Variants in POLR3E observed in about 807,000 individuals in gnomAD.
The protein encoded by POLR3E is RNA polymerase III subunit E.
POLR3E carries 41 observed loss-of-function variants against 96.6 expected under a neutral mutation model. That is an observed-to-expected ratio of 0.42 (90% CI 0.33 to 0.55). POLR3E has a LOEUF of 0.55. Ranked by LOEUF, POLR3E falls within the 20% of genes least tolerant of loss-of-function variation. The pLI, the probability that POLR3E is intolerant of heterozygous loss-of-function variation, is 0.06. For synonymous variants in POLR3E, 396 were observed against 383.6 expected (o/e 1.03, Z -0.38); for missense variants, 849 against 952.1 (o/e 0.89, Z 1.43).
chr16:22,303,609 CCGGGT>C (rs1389722452), intron 2 of POLR3E, among the ~76,000 whole-genome samples: 1 of 147,824 alleles, frequency 6.8e-6, no homozygotes, highest in Non-Finnish European at 1.5e-5. Flanking sequence ...GCAGGAGTCT[CCGGGT>C]ACAGGCAGTG....
intron 19 of POLR3E, chr16:22,328,968 A>T (rs1029936809): frequency 4.5e-6 from 1 of 221,460 alleles, no homozygotes; most frequent in African/African-American, 2.3e-5. Flanking sequence ...TCTACTAAAA[A>T]TGCCCATAGT....
chr16:22,304,472 G>A lies in POLR3E; in HGVS notation c.37-684G>A, dbSNP rs546132893. Among the ~76,000 whole-genome samples, 7 of 152,330 alleles carry A rather than the reference G, an allele frequency of 4.6e-5. No homozygotes were observed. The South Asian group carries it at 1.4e-3, about 32-fold the overall frequency. The stretch of plus-strand genomic sequence containing the variant: ...CAGAGGCAGTGCCCTCTGCAGCCAG[G>A]GGGCCTGGAATGCTTCCTGCCCAAG... On this transcript the variant is annotated intron_variant, in intron 2 of 20. Coordinates refer to ENST00000299853, the MANE Select transcript of POLR3E (RefSeq NM_018119.4).
chr16:22,312,193 G>A (rs2048261204), intron 6 of POLR3E, among the ~76,000 whole-genome samples: 1 of 152,212 alleles, frequency 6.6e-6, no homozygotes, highest in Middle Eastern at 3.4e-3. Flanking sequence ...TTGTGAATAC[G>A]TTAAAATACA....
At position 22,313,951 on chromosome 16, in the gene POLR3E, G is replaced by C. The variant is rs1473317674; in HGVS notation, c.473-128G>C. The C allele has an allele frequency of 2.4e-6, 2 of 835,144 alleles. No individual in the cohort carries two copies. The highest frequency in any genetic ancestry group is 5.1e-5 in the East Asian group (2 of 39,104). The allele number at this position is 835,144 out of a possible 1,614,324, so 51.7% of individuals were successfully genotyped here. A position where few individuals can be genotyped will look rare whatever the true frequency, so the allele number is the denominator to read the frequency against. ...AACTGTCCCCGATTGAGAACCACTG[G>C]CTTAGGCAGCTCCCTCTGCGAGGAG... On this transcript the variant is annotated intron_variant, in intron 7 of 20. Transcript: ENST00000299853. The surrounding 1 kb of genome is among the most constrained non-coding windows in gnomAD (Gnocchi z 4.1).
intron 6 of POLR3E, among the ~76,000 whole-genome samples, chr16:22,312,873 CAAAA>C (rs1167609047): frequency 1.3e-4 from 4 of 30,406 alleles, no homozygotes; most frequent in Non-Finnish European, 2.8e-4. Context: ...CACTCCATCT[CAAAA>C]AAAAAAAAAA....
chr16:22,314,136 C>G lies in POLR3E; in HGVS notation c.522+8C>G. On this transcript the variant is annotated splice_region_variant and intron_variant, in intron 8 of 20. Coordinates refer to ENST00000299853, the MANE Select transcript of POLR3E (RefSeq NM_018119.4). ...GATGTTAAGCAGATCACGGTGAGCCCTGGCCCCTGGAGGAGGAGGGTGCTG... is the reference window on the plus strand; with the variant it reads ...GATGTTAAGCAGATCACGGTGAGCCGTGGCCCCTGGAGGAGGAGGGTGCTG... The G allele has an allele frequency of 6.2e-7, 1 of 1,613,058 alleles. No individual in the cohort carries two copies. The highest frequency in any genetic ancestry group is 8.5e-7 in the Non-Finnish European group (1 of 1,179,206).
intron 14 of POLR3E, 54 bp from the exon 15 acceptor site, chr16:22,324,300 G>T: frequency 6.8e-7 from 1 of 1,479,350 alleles, no homozygotes; most frequent in Admixed American, 1.7e-5. Context: ...TCCCGGGACA[G>T]TCCTGGGAGC....
At chr16:22,308,068 T>A in intron 3 of POLR3E, 80 bp from the exon 4 acceptor site, 1 of 1,026,106 alleles carries the variant, frequency 9.7e-7, no homozygotes, top group Non-Finnish European at 1.5e-6. Context: ...GGCTTGGAGA[T>A]AGCTGTTGAT....
At chr16:22,330,389 C>T (rs2048712156) in intron 19 of POLR3E, among the ~76,000 whole-genome samples, 1 of 152,122 alleles carries the variant, frequency 6.6e-6, no homozygotes, top group South Asian at 2.1e-4. Context: ...CAGGCCTTTA[C>T]CTCTTTTTAA....
intron 14 of POLR3E, among the ~76,000 whole-genome samples, chr16:22,324,026 G>A (rs2048524726): frequency 6.6e-6 from 1 of 152,120 alleles, no homozygotes; most frequent in Non-Finnish European, 1.5e-5. Flanking sequence ...CAGACAGCGT[G>A]TGTCTGTGGG....
chr16:22,320,267 TTTTA>T (rs1273999002), intron 13 of POLR3E, among the ~76,000 whole-genome samples: 1 of 152,112 alleles, frequency 6.6e-6, no homozygotes, highest in African/African-American at 2.4e-5. Flanking sequence ...ATTGGTGTAT[TTTTA>T]TTTTTTTTTT....
chr16:22,310,001 G>A (rs1279290735), intron 6 of POLR3E: 2 of 164,362 alleles, frequency 1.2e-5, no homozygotes, highest in Admixed American at 1.2e-4. Flanking sequence ...GTCCATTCAC[G>A]CAATGGGATG....
At chr16:22,328,324 C>T in intron 18 of POLR3E, 186 bp from the exon 19 acceptor site, 1 of 604,386 alleles carries the variant, frequency 1.7e-6, no homozygotes, top group Non-Finnish European at 3.0e-6. Context: ...CTGGCCTCCT[C>T]CCCATGGTGA....
At position 22,334,645 on chromosome 16, in the gene POLR3E, A is replaced by C. The variant is rs1022211024; in HGVS notation, c.*945A>C. 2.0e-5 allele frequency: 3 copies of C among 152,218 alleles called. No individual in the cohort carries two copies. The highest frequency in any genetic ancestry group is 2.9e-5 in the Non-Finnish European group (2 of 68,036). The allele number at this position is 152,218 out of a possible 1,614,324, so 9.4% of individuals were successfully genotyped here. On this transcript the variant is annotated 3_prime_UTR_variant, in exon 21 of 21. Transcript: ENST00000299853. ...CATGTTAGCATATTATTTAGCTCAA[A>C]ATATCTAAAACATCAACATAAGGTA...
At position 22,308,941 on chromosome 16, in the gene POLR3E, C is replaced by T; in HGVS notation, c.182C>T (p.Ala61Val). ...TGCCTCCAGGTAGAGCTTGAGATGGCCATCGACACCCTGAACCCCAACTAT... is the reference window on the plus strand; with the variant it reads ...TGCCTCCAGGTAGAGCTTGAGATGGTCATCGACACCCTGAACCCCAACTAT... ...PKQQKVELEM[A>V]IDTLNPNYCR... The change falls in exon 5 of 21, where the codon GCC becomes GTC. Residue 61 changes from alanine (A) to valine (V), a missense_variant. By Grantham distance (64) the Ala-to-Val change is moderately conservative (BLOSUM62 0). Transcript: ENST00000299853. 6.2e-7 allele frequency: 1 copy of T among 1,613,092 alleles called. No homozygotes were observed. Among genetic ancestry groups the T allele is most frequent in the Non-Finnish European group, 8.5e-7 (1 of 1,179,198 alleles).
At position 22,298,634 on chromosome 16, in the gene POLR3E, C is replaced by T. The variant is rs534580609; in HGVS notation, c.-39+1097C>T. On this transcript the variant is annotated intron_variant, in intron 1 of 20. Transcript: ENST00000299853. ...AACCATACTGCCGTTTATCAGAAAA[C>T]CGTGCAGTATAGTGGTTAAGAATAA... 5.3e-5 allele frequency among the ~76,000 whole-genome samples: 8 copies of T among 152,274 alleles called. No individual in the cohort carries two copies. The South Asian group carries it at 8.3e-4, about 16-fold the overall frequency.
chr16:22,308,621 G>A (rs941639633), intron 4 of POLR3E: 2 of 450,998 alleles, frequency 4.4e-6, no homozygotes, highest in African/African-American at 4.0e-5. Flanking sequence ...AAGAGAAGTG[G>A]GAAATAAGGA....
chr16:22,307,493 TGAGA>T (rs2048158021), intron 3 of POLR3E, among the ~76,000 whole-genome samples: 1 of 152,016 alleles, frequency 6.6e-6, no homozygotes, highest in South Asian at 2.1e-4. Context: ...CTCCTTCACC[TGAGA>T]GAGAGAGGGA....
intron 19 of POLR3E, among the ~76,000 whole-genome samples, chr16:22,330,824 A>AT (rs2048722096): frequency 6.6e-6 from 1 of 152,112 alleles, no homozygotes. Flanking sequence ...GCAAAAAAAA[A>AT]GGAGAATCAA....
Sources: allele counts gnomAD v4.1 joint callset (sites outside exome capture counted in the v4.1 genomes callset), GRCh38; gene constraint gnomAD v4.1.1; non-coding constraint Gnocchi (gnomAD v3.1); transcripts MANE v1.5; gene names NCBI Gene and HGNC (gene_info 2026-07-23, HGNC 2026-07-21).